Variants in PCSK5 observed in about 807,000 individuals in gnomAD.
PCSK5 encodes prohormone convertase 5.
In PCSK5, 129 loss-of-function variants were observed where a neutral mutation model predicts 233.2. The observed-to-expected ratio is 0.55, with a 90% CI of 0.48 to 0.64. The LOEUF is 0.64. Among genes scored for constraint, PCSK5 ranks in the 30% least tolerant of loss-of-function variants. The pLI, the probability that PCSK5 is intolerant of heterozygous loss-of-function variation, is 0.00. For missense variants in PCSK5, 2,076 were observed against 2,430.1 expected (o/e 0.85, Z 3.06); for synonymous variants, 825 against 879.2 (o/e 0.94, Z 1.09).
intron 2 of PCSK5, among the ~76,000 whole-genome samples, chr9:75,936,289 A>G (rs1166025187): frequency 6.6e-6 from 1 of 152,178 alleles, no homozygotes; most frequent in Non-Finnish European, 1.5e-5. Flanking sequence ...TCCAACAACA[A>G]TGAAATTTGC....
intron 7 of PCSK5, among the ~76,000 whole-genome samples, chr9:76,080,276 G>T (rs1180693225): frequency 6.6e-6 from 1 of 152,140 alleles, no homozygotes; most frequent in Non-Finnish European, 1.5e-5. Context: ...CATCTAACTT[G>T]TCTTTTTAAA....
chr9:76,241,369 G>A (rs1397148002), intron 24 of PCSK5, among the ~76,000 whole-genome samples: 2 of 152,222 alleles, frequency 1.3e-5, no homozygotes, highest in Admixed American at 1.3e-4. Context: ...TTGAACCCAG[G>A]AGTCAGAGGT....
intron 2 of PCSK5, among the ~76,000 whole-genome samples, chr9:75,935,110 CA>C (rs1823991857): frequency 6.6e-6 from 1 of 152,116 alleles, no homozygotes; most frequent in Non-Finnish European, 1.5e-5. Flanking sequence ...CTCTGTCACC[CA>C]GGCTGGAATG....
chr9:76,035,281 T>C (rs1314749211), intron 5 of PCSK5, among the ~76,000 whole-genome samples: 1 of 152,210 alleles, frequency 6.6e-6, no homozygotes, highest in African/African-American at 2.4e-5. Context: ...TAAATACCTG[T>C]TTATTCTTTA....
intron 24 of PCSK5, among the ~76,000 whole-genome samples, chr9:76,273,483 C>T (rs2131376226): frequency 6.6e-6 from 1 of 151,048 alleles, no homozygotes; most frequent in East Asian, 1.9e-4. Context: ...TTATCACTCT[C>T]CCTGGGCTAA....
chr9:76,078,168 A>T (rs1166402334), intron 7 of PCSK5, among the ~76,000 whole-genome samples: 1 of 152,192 alleles, frequency 6.6e-6, no homozygotes, highest in Non-Finnish European at 1.5e-5. Context: ...TAAGTTCCTT[A>T]TAGATCCTGG....
intron 37 of PCSK5, among the ~76,000 whole-genome samples, chr9:76,355,995 C>T (rs73652928): frequency 0.04 from 6,154 of 152,256 alleles, 117 homozygotes; most frequent in African/African-American, 0.056. Flanking sequence ...TGAGCTACCG[C>T]GCCTGGCTTG....
rs538300762 is a variant in PCSK5 at position 76,233,620 on chromosome 9, C to T, written c.2866+24C>T. 5.4e-4 allele frequency: 859 copies of T among 1,602,702 alleles called. 22 individuals are homozygous for T. The South Asian group carries it at 8.8e-3, about 16-fold the overall frequency. On this transcript the variant is annotated intron_variant, in intron 22 of 37. Transcript: ENST00000674117. ...AGGTGAGAGACTGCTGCTCCTCCGT[C>T]TTCTGCACCCCAAACCTGTTCCTCT...
At chr9:75,901,084 G>A (rs535432348) in intron 1 of PCSK5, among the ~76,000 whole-genome samples, 2 of 152,216 alleles carry the variant, frequency 1.3e-5, no homozygotes, top group South Asian at 2.1e-4. Flanking sequence ...GAGGAATTCC[G>A]CTGAGGAGGA....
chr9:76,129,442 G>A (rs1172453566), intron 9 of PCSK5, among the ~76,000 whole-genome samples: 2 of 152,112 alleles, frequency 1.3e-5, no homozygotes, highest in East Asian at 3.9e-4. Context: ...ATCTAGACTA[G>A]CTGTTGCTCC....
At chr9:76,254,546 G>A (rs1440425703) in intron 24 of PCSK5, among the ~76,000 whole-genome samples, 2 of 152,056 alleles carry the variant, frequency 1.3e-5, no homozygotes, top group East Asian at 1.9e-4. Flanking sequence ...CAACTGATGA[G>A]TCAAGAAGAG....
chr9:75,938,965 C>T (rs1437482297), intron 2 of PCSK5, among the ~76,000 whole-genome samples: 2 of 152,168 alleles, frequency 1.3e-5, no homozygotes, highest in African/African-American at 4.8e-5. Context: ...AGGAAAAACA[C>T]GTGAGTGAAT....
chr9:75,990,762 T>G (rs536494041), intron 3 of PCSK5, among the ~76,000 whole-genome samples: 9 of 152,194 alleles, frequency 5.9e-5, no homozygotes, highest in Non-Finnish European at 8.8e-5. Flanking sequence ...CCCTGGACAT[T>G]GGCCTGTAAT....
At chr9:76,246,044 C>A (rs1336686090) in intron 24 of PCSK5, among the ~76,000 whole-genome samples, 1 of 151,626 alleles carries the variant, frequency 6.6e-6, no homozygotes, top group East Asian at 1.9e-4. Flanking sequence ...CAAATTAAAA[C>A]TGTGAGAGGC....
At chr9:76,052,120 G>A (rs1829652691) in intron 5 of PCSK5, among the ~76,000 whole-genome samples, 1 of 152,112 alleles carries the variant, frequency 6.6e-6, no homozygotes, top group African/African-American at 2.4e-5. Context: ...AAGACAAGGG[G>A]TCGCATTTCA....
intron 7 of PCSK5, among the ~76,000 whole-genome samples, chr9:76,089,582 A>G (rs1587612499): frequency 6.6e-6 from 1 of 152,346 alleles, no homozygotes; most frequent in South Asian, 2.1e-4. Context: ...CACAGTATCC[A>G]GGCACATATT....
chr9:76,332,934 T>C (rs1318910934), intron 34 of PCSK5, among the ~76,000 whole-genome samples: 1 of 152,116 alleles, frequency 6.6e-6, no homozygotes, highest in Non-Finnish European at 1.5e-5. Context: ...CCCAACTACG[T>C]GGGAGGTTGA....
intron 33 of PCSK5, among the ~76,000 whole-genome samples, chr9:76,330,408 C>T (rs1002747300): frequency 2.0e-5 from 3 of 152,078 alleles, no homozygotes; most frequent in African/African-American, 7.2e-5. Flanking sequence ...GAGCACTTTT[C>T]TCCCCCACCA....
At chr9:75,961,364 T>A (rs1188496956) in intron 2 of PCSK5, among the ~76,000 whole-genome samples, 2 of 152,244 alleles carry the variant, frequency 1.3e-5, no homozygotes, top group Non-Finnish European at 2.9e-5. Flanking sequence ...ACTTAATTGA[T>A]GAAATGACCA....
Sources: allele counts gnomAD v4.1 joint callset (sites outside exome capture counted in the v4.1 genomes callset), GRCh38; gene constraint gnomAD v4.1.1; transcripts MANE v1.5; gene names NCBI Gene and HGNC (gene_info 2026-07-23, HGNC 2026-07-21).